Variants in DYNC2H1 observed in about 807,000 individuals in gnomAD.
DYNC2H1 encodes dynein cytoplasmic 2 heavy chain 1.
In DYNC2H1, 410 loss-of-function variants were observed where a neutral mutation model predicts 570.0. The ratio of observed to expected loss-of-function variants is 0.72; its 90% CI spans 0.66 to 0.78. The LOEUF is 0.78. Among genes scored for constraint, DYNC2H1 ranks in the 30% least tolerant of loss-of-function variants. The probability of loss-of-function intolerance (pLI) is 0.00; values close to 1 mark genes in which losing one functional copy is unlikely to be tolerated. For synonymous variants in DYNC2H1, 1,688 were observed against 1,677.6 expected (o/e 1.01, Z -0.15); for missense variants, 4,865 against 5,046.4 (o/e 0.96, Z 1.09).
At chr11:103,418,307 AAG>A (rs1943360794) in intron 84 of DYNC2H1, among the ~76,000 whole-genome samples, 1 of 152,222 alleles carries the variant, frequency 6.6e-6, no homozygotes, top group Non-Finnish European at 1.5e-5. Flanking sequence ...TAGAGCTAGT[AAG>A]AGTTTGTTTA....
chr11:103,225,955 A>AC (rs1555074350), intron 59 of DYNC2H1, among the ~76,000 whole-genome samples: 1 of 147,622 alleles, frequency 6.8e-6, no homozygotes, highest in Non-Finnish European at 1.5e-5. Flanking sequence ...ATTCCTAAGT[A>AC]TTTTTTTTTT....
intron 78 of DYNC2H1, among the ~76,000 whole-genome samples, chr11:103,310,496 G>A (rs1867525730): frequency 6.6e-6 from 1 of 151,738 alleles, no homozygotes; most frequent in Non-Finnish European, 1.5e-5. Context: ...TTAGTGTAGT[G>A]CCTTTTTAAA....
rs574874602 is a variant in DYNC2H1 at position 103,146,899 on chromosome 11, A to G, written c.2703-873A>G. Among the ~76,000 whole-genome samples the G allele has an allele frequency of 3.9e-5, 6 of 152,238 alleles. No individual in the cohort carries two copies. In the South Asian group the frequency reaches 1.2e-3, roughly 32 times the overall value. On this transcript the variant is annotated intron_variant, in intron 18 of 88. Transcript: ENST00000375735. ...GATTACAGGCCACTGTGCCTGGCCT[A>G]TTCTGCTATTTTTATGGAATACTAT...
chr11:103,123,059 C>A (rs1858802237), intron 11 of DYNC2H1, 59 bp downstream of exon 11: 18 of 1,211,868 alleles, frequency 1.5e-5, no homozygotes, highest in Non-Finnish European at 1.1e-6. Context: ...ATCCAAATAC[C>A]CAGAGGGAAT....
chr11:103,453,040 G>A (rs1297849121), intron 85 of DYNC2H1, among the ~76,000 whole-genome samples: 3 of 151,924 alleles, frequency 2.0e-5, no homozygotes, highest in Non-Finnish European at 4.4e-5. Flanking sequence ...AAATTGCCTA[G>A]CCCATTTAGC....
In DYNC2H1 at chr11:103,342,748, C is replaced by T. The variant is rs145692992; in HGVS notation, c.12040-15495C>T. On this transcript the variant is annotated intron_variant, in intron 82 of 88. Transcript: ENST00000375735. ...CTCGACCTCCTGACCTCGTGATCCA[C>T]CCGCCTTGGCCTCCCAAAGCCACTG... 2.4e-3 allele frequency among the ~76,000 whole-genome samples: 370 copies of T among 152,182 alleles called. 1 individual carries two copies. The highest frequency in any genetic ancestry group is 8.5e-3 in the African/African-American group (351 of 41,502).
intron 70 of DYNC2H1, among the ~76,000 whole-genome samples, chr11:103,267,702 A>T (rs1865564078): frequency 6.6e-6 from 1 of 152,140 alleles, no homozygotes; most frequent in African/African-American, 2.4e-5. Context: ...GAAACCTTAA[A>T]GATCCATTTA....
chr11:103,128,815 G>A (rs1164897663), intron 12 of DYNC2H1, 95 bp from the exon 13 acceptor site: 25 of 1,076,736 alleles, frequency 2.3e-5, no homozygotes, highest in Non-Finnish European at 3.3e-5. Context: ...TAAATTTTAG[G>A]ATTGAGAAAA....
chr11:103,199,297 A>G lies in DYNC2H1; in HGVS notation c.7909A>G (p.Met2637Val). The G allele has an allele frequency of 6.2e-7, 1 of 1,611,292 alleles. No homozygotes were observed. Residue 2637 changes from methionine to valine, a missense_variant, in exon 49 of 89, where the codon ATG (methionine) becomes GTG (valine). This residue lies in a region of DYNC2H1 where 2,401 missense variants were observed against 2,454.6 expected (regional missense o/e 0.98). Transcript: ENST00000375735. The surrounding 1 kb of genome is among the most constrained non-coding windows in gnomAD (Gnocchi z 4.6). Reference sequence around the variant, plus strand: ...ACTTTTCCACGAAGTCTTGGAGTATATGTCTAGGATAGATAGAGTGCTGAG... The same window carrying G: ...ACTTTTCCACGAAGTCTTGGAGTATGTGTCTAGGATAGATAGAGTGCTGAG... The part of the protein sequence containing the change: ...ILLFHEVLEY[M>V]SRIDRVLSFP...
In DYNC2H1 at chr11:103,129,453, G is replaced by A. The variant is rs147155163; in HGVS notation, c.1953+448G>A. ...ATCCCAGCACTTTCGAGGCCGAGGC[G>A]GGTGGATCACCTGACATCAGGGGTT... On this transcript the variant is annotated intron_variant, in intron 13 of 88. Coordinates refer to ENST00000375735, the MANE Select transcript of DYNC2H1 (RefSeq NM_001377.3). This position sits in a 1 kb window ranked among gnomAD's most constrained non-coding sequence, Gnocchi z 4.1. 3.7e-4 allele frequency among the ~76,000 whole-genome samples: 56 copies of A among 152,234 alleles called. No homozygotes were observed. Among genetic ancestry groups the A allele is most frequent in the African/African-American group, 1.3e-3 (52 of 41,546 alleles).
intron 20 of DYNC2H1, 23 bp from the exon 21 acceptor site, chr11:103,152,099 TTGTTATTCAATTTG>T: frequency 2.7e-6 from 4 of 1,476,210 alleles, no homozygotes; most frequent in Non-Finnish European, 3.6e-6. Context: ...ATAAAATAGG[TTGTTATTCAATTTG>T]TTTTTTTTTT....
At chr11:103,222,181 G>T in intron 58 of DYNC2H1, 28 bp downstream of exon 58, 1 of 1,433,796 alleles carries the variant, frequency 7.0e-7, no homozygotes, top group Non-Finnish European at 9.5e-7. Flanking sequence ...CTATAAATTT[G>T]TTTTTCCATA....
At chr11:103,197,315 G>C (rs1413140828) in intron 47 of DYNC2H1, among the ~76,000 whole-genome samples, 1 of 152,128 alleles carries the variant, frequency 6.6e-6, no homozygotes, top group Non-Finnish European at 1.5e-5. Flanking sequence ...GTGGGGAGTA[G>C]TGGGAGAAAG....
intron 6 of DYNC2H1, among the ~76,000 whole-genome samples, chr11:103,118,230 T>A (rs892978740): frequency 1.3e-5 from 2 of 152,106 alleles, no homozygotes; most frequent in African/African-American, 4.8e-5. Flanking sequence ...TTACACAAGT[T>A]ATGAGTTTCA....
intron 88 of DYNC2H1, among the ~76,000 whole-genome samples, chr11:103,478,062 G>GC (rs1192283205): frequency 1.5e-4 from 1 of 6,702 alleles, no homozygotes. Context: ...AACTTAAAAA[G>GC]TTCCCCTGAG....
At chr11:103,452,314 GTATC>G (rs1376872643) in intron 85 of DYNC2H1, among the ~76,000 whole-genome samples, 1 of 151,600 alleles carries the variant, frequency 6.6e-6, no homozygotes, top group East Asian at 1.9e-4. Flanking sequence ...CCTCCATAGG[GTATC>G]ACTGATACAT....
At chr11:103,273,448 C>T (rs371076229) in intron 70 of DYNC2H1, among the ~76,000 whole-genome samples, 43 of 152,330 alleles carry the variant, frequency 2.8e-4, no homozygotes, top group African/African-American at 1.0e-3. Context: ...CTCTCCCTCC[C>T]AGGATGTTGG....
In DYNC2H1 at chr11:103,284,964, T is replaced by C. The variant is rs575184856; in HGVS notation, c.10891-1291T>C. Among the ~76,000 whole-genome samples, 6 of 152,312 alleles carry C rather than the reference T, an allele frequency of 3.9e-5. No individual in the cohort carries two copies. In the East Asian group the frequency reaches 1.2e-3, roughly 29 times the overall value. On this transcript the variant is annotated intron_variant, in intron 73 of 88. Transcript: ENST00000375735. The stretch of plus-strand genomic sequence containing the variant: ...TGTGTTTGGGAAAGCCTCTGAAAGA[T>C]GATATTGTTTAAAGTGAATATTGAA...
intron 1 of DYNC2H1, 95 bp from the exon 2 acceptor site, chr11:103,113,441 TC>T (rs1249440962): frequency 2.1e-6 from 2 of 932,830 alleles, no homozygotes; most frequent in Admixed American, 3.3e-5. Flanking sequence ...ACTATTTTTT[TC>T]CAAGAGGTAT....
Sources: gnomAD v4.1 joint callset for allele counts (sites outside exome capture counted in the v4.1 genomes callset) on GRCh38, gnomAD v4.1.1 for gene constraint, gnomAD v4.1.1 regional missense constraint, Gnocchi (gnomAD v3.1) non-coding constraint, MANE v1.5 for transcripts, NCBI Gene and HGNC (gene_info 2026-07-23, HGNC 2026-07-21) for gene names.